The following CHN2 variants were observed in gnomAD, a reference collection of about 807,000 sequenced individuals.
The protein encoded by CHN2 is beta-chimaerin.
A neutral mutation model predicts 56.3 loss-of-function variants in CHN2; 35 were observed. That is an observed-to-expected ratio of 0.62 (90% CI 0.47 to 0.82). CHN2 has a LOEUF of 0.82. Ranked by LOEUF, CHN2 falls within the 40% of genes least tolerant of loss-of-function variation. The pLI, the probability that CHN2 is intolerant of heterozygous loss-of-function variation, is 0.00. For synonymous variants in CHN2, 210 were observed against 212.8 expected (o/e 0.99, Z 0.12); for missense variants, 491 against 580.5 (o/e 0.85, Z 1.58).
intron 1 of CHN2, among the ~76,000 whole-genome samples, chr7:29,195,631 T>TGAGA (rs1179252969): frequency 1.0e-4 from 11 of 108,818 alleles, no homozygotes; most frequent in African/African-American, 1.5e-4. Context: ...AGAGAGAGAG[T>TGAGA]GTGTGTGTGT....
At chr7:29,490,111 C>CTT (rs34148468) in intron 7 of CHN2, among the ~76,000 whole-genome samples, 131 of 136,478 alleles carry the variant, frequency 9.6e-4, no homozygotes, top group Admixed American at 8.4e-3. Flanking sequence ...GATGTCATTC[C>CTT]TTTTTTTTTT....
chr7:29,391,712 C>T (rs1267699476), intron 3 of CHN2, among the ~76,000 whole-genome samples: 2 of 152,212 alleles, frequency 1.3e-5, no homozygotes, highest in African/African-American at 2.4e-5. Flanking sequence ...AAGCGTTTCC[C>T]TCTGCTGCAA....
Position 29,265,569 on chromosome 7 carries a change from A to T in CHN2, c.49+70579A>T, listed in dbSNP as rs144984494. Among the ~76,000 whole-genome samples the T allele has an allele frequency of 1.8e-4, 27 of 152,332 alleles. No homozygotes were observed. In the East Asian group the frequency reaches 4.6e-3, roughly 26 times the overall value. On this transcript the variant is annotated intron_variant, in intron 1 of 12. Coordinates refer to ENST00000222792, the MANE Select transcript of CHN2 (RefSeq NM_004067.4). The stretch of plus-strand genomic sequence containing the variant: ...AGTGAAGACAGAATGACTGAAATAG[A>T]AACTTTCTGTGGTTAGCATGGATGT...
intron 2 of CHN2, among the ~76,000 whole-genome samples, chr7:29,167,083 G>T (rs1796018102): frequency 6.6e-6 from 1 of 152,052 alleles, no homozygotes; most frequent in African/African-American, 2.4e-5. Context: ...TTGACGAAAA[G>T]AATATTATCA....
At chr7:29,479,638 G>A in intron 6 of CHN2, 1 of 1,021,512 alleles carries the variant, frequency 9.8e-7, no homozygotes, top group South Asian at 4.0e-5. Context: ...CCAGGATGGG[G>A]TTCAGAGCCC....
At chr7:29,157,735 CAT>C (rs1794607893) in intron 2 of CHN2, among the ~76,000 whole-genome samples, 1 of 152,108 alleles carries the variant, frequency 6.6e-6, no homozygotes, top group Non-Finnish European at 1.5e-5. Context: ...TGATAGAAAA[CAT>C]ATTTTCAATA....
At chr7:29,185,967 C>T (rs527287686) in intron 2 of CHN2, among the ~76,000 whole-genome samples, 1 of 152,246 alleles carries the variant, frequency 6.6e-6, no homozygotes, top group East Asian at 1.9e-4. Flanking sequence ...TTATTTAATT[C>T]CTTCAGTTCC....
At chr7:29,356,572 A>G (rs1467638839) in intron 2 of CHN2, among the ~76,000 whole-genome samples, 1 of 152,188 alleles carries the variant, frequency 6.6e-6, no homozygotes, top group Non-Finnish European at 1.5e-5. Flanking sequence ...GTTGTTGTGT[A>G]AAAATGGCTT....
At chr7:29,488,102 C>T (rs76717258) in intron 7 of CHN2, among the ~76,000 whole-genome samples, 315 of 152,336 alleles carry the variant, frequency 2.1e-3, no homozygotes, top group Non-Finnish European at 3.6e-3. Context: ...GTCCAGGGAT[C>T]TGTGGTGCCC....
At chr7:29,268,261 C>T (rs887906974) in intron 1 of CHN2, among the ~76,000 whole-genome samples, 42 of 140,902 alleles carry the variant, frequency 3.0e-4, no homozygotes, top group African/African-American at 1.1e-3. Flanking sequence ...TAAAAAATGT[C>T]CTTCATCCAC....
At chr7:29,418,332 A>C (rs1446362389) in intron 6 of CHN2, among the ~76,000 whole-genome samples, 1 of 152,228 alleles carries the variant, frequency 6.6e-6, no homozygotes, top group Admixed American at 6.5e-5. Flanking sequence ...CGCGGGGAGG[A>C]GGCATGATGC....
At chr7:29,231,346 G>A (rs745736758) in intron 1 of CHN2, among the ~76,000 whole-genome samples, 10 of 152,140 alleles carry the variant, frequency 6.6e-5, no homozygotes, top group Admixed American at 2.0e-4. Flanking sequence ...ATTCATCCCC[G>A]GTAGGAGAAA....
At chr7:29,232,664 T>G (rs954179609) in intron 1 of CHN2, among the ~76,000 whole-genome samples, 79 of 129,152 alleles carry the variant, frequency 6.1e-4, no homozygotes, top group African/African-American at 2.2e-3. Context: ...TTTCACAGTG[T>G]TGGGGCTTGG....
intron 6 of CHN2, among the ~76,000 whole-genome samples, chr7:29,410,990 C>G (rs4141312): frequency 0.14 from 21,477 of 152,150 alleles, 1,853 homozygotes; most frequent in Middle Eastern, 0.21. Context: ...TTTATTAAAA[C>G]AAATTTTTAA....
intron 6 of CHN2, among the ~76,000 whole-genome samples, chr7:29,410,310 G>A (rs972168706): frequency 6.6e-6 from 1 of 151,650 alleles, no homozygotes; most frequent in African/African-American, 2.4e-5. Context: ...AGCTGTTTTT[G>A]TCTTTTTAGT....
intron 6 of CHN2, among the ~76,000 whole-genome samples, chr7:29,404,150 A>G: frequency 6.6e-6 from 1 of 152,172 alleles, no homozygotes; most frequent in Admixed American, 6.5e-5. Context: ...GCTTTGAGCG[A>G]ACACCCTTGG....
At chr7:29,459,239 T>C (rs1453857761) in intron 6 of CHN2, among the ~76,000 whole-genome samples, 2 of 152,242 alleles carry the variant, frequency 1.3e-5, no homozygotes, top group Non-Finnish European at 2.9e-5. Context: ...TTCCAAAGAC[T>C]TGTAGGATTT....
At position 29,426,834 on chromosome 7, in the gene CHN2, T is replaced by G. The variant is rs562862921; in HGVS notation, c.576+26006T>G. 6.5e-4 allele frequency among the ~76,000 whole-genome samples: 99 copies of G among 152,306 alleles called. 2 individuals are homozygous for G. In the South Asian group the frequency reaches 0.011, roughly 17 times the overall value. On this transcript the variant is annotated intron_variant, in intron 6 of 12. Transcript: ENST00000222792. Reference sequence around the variant, plus strand: ...ATTCATTTCCTTGAGTTTGTAGATATGAGCTCCTTACTTCCTTGCTGGCTG... The same window carrying G: ...ATTCATTTCCTTGAGTTTGTAGATAGGAGCTCCTTACTTCCTTGCTGGCTG...
At chr7:29,231,710 A>G (rs765633180) in intron 1 of CHN2, among the ~76,000 whole-genome samples, 8 of 152,232 alleles carry the variant, frequency 5.3e-5, no homozygotes, top group Admixed American at 3.3e-4. Context: ...TAGCTCTGAT[A>G]CTATCATTAG....
Sources: allele counts gnomAD v4.1 joint callset (sites outside exome capture counted in the v4.1 genomes callset), GRCh38; gene constraint gnomAD v4.1.1; transcripts MANE v1.5; gene names NCBI Gene and HGNC (gene_info 2026-07-23, HGNC 2026-07-21).